Variants in RAP2C observed in about 807,000 individuals in gnomAD.
The protein encoded by RAP2C is RAP2C, member of RAS oncogene family.
RAP2C carries 3 observed loss-of-function variants against 8.9 expected under a neutral mutation model. That is an observed-to-expected ratio of 0.34 (90% CI 0.15 to 0.87). RAP2C has a LOEUF of 0.87. Ranked by LOEUF, RAP2C falls within the 40% of genes least tolerant of loss-of-function variation. The pLI is 0.51. For synonymous variants in RAP2C, 60 were observed against 52.1 expected (o/e 1.15, Z -0.65); for missense variants, 76 against 133.7 (o/e 0.57, Z 2.13).
At chrX:132,213,331 G>A (rs1278045659) in intron 5 of RAP2C, among the ~76,000 whole-genome samples, 7 of 110,315 alleles carry the variant, frequency 6.3e-5, no homozygotes, top group Admixed American at 3.9e-4. Context: ...TAAATGCTTC[G>A]TAAGTTTTAC....
chrX:132,213,915 T>G lies in RAP2C; in HGVS notation c.*34+219A>C, dbSNP rs1345859923. Among the ~76,000 whole-genome samples the G allele has an allele frequency of 8.9e-5, 10 of 112,224 alleles. No individual in the cohort carries two copies. In the Admixed American group the frequency reaches 9.4e-4, roughly 11 times the overall value. ...AACAATAACTCACTTAAAATCCTGGTGATGGGAATATAAGCAATTTCTTAT... is the reference window on the plus strand; with the variant it reads ...AACAATAACTCACTTAAAATCCTGGGGATGGGAATATAAGCAATTTCTTAT... On this transcript the variant is annotated intron_variant, in intron 5 of 5. Transcript: ENST00000370874.
At chrX:132,205,776 G>C (rs1392086644) in intron 5 of RAP2C, among the ~76,000 whole-genome samples, 189 bp from the exon 6 acceptor site, 1 of 110,312 alleles carries the variant, frequency 9.1e-6, no homozygotes, top group Non-Finnish European at 1.9e-5. Flanking sequence ...TGATGCATTG[G>C]ATATAATGTA....
At chrX:132,215,115 AT>A (rs375550778) in intron 4 of RAP2C, among the ~76,000 whole-genome samples, 233 of 101,985 alleles carry the variant, frequency 2.3e-3, no homozygotes, top group Admixed American at 2.5e-3. Context: ...GGAAGAAGTC[AT>A]TTTTTTTTTT....
intron 3 of RAP2C, 32 bp from the exon 4 acceptor site, chrX:132,217,838 G>C (rs1233105620): frequency 8.9e-6 from 1 of 112,028 alleles, no homozygotes; most frequent in Non-Finnish European, 1.9e-5. Flanking sequence ...ACATTACCCG[G>C]CTGACCCCCG....
At chrX:132,217,881 C>A (rs1392860841) in intron 3 of RAP2C, 35 bp downstream of exon 3, 2 of 111,921 alleles carry the variant, frequency 1.8e-5, no homozygotes, top group Non-Finnish European at 1.9e-5. Context: ...GCCGCCTCCC[C>A]CAACTCCCAC....
chrX:132,217,466 G>T lies in RAP2C; in HGVS notation c.-198C>A. 3.4e-5 allele frequency: 6 copies of T among 175,554 alleles called. No homozygotes were observed. Among genetic ancestry groups the T allele is most frequent in the Non-Finnish European group, 5.3e-5 (5 of 93,710 alleles). The allele number at this position is 175,554 out of a possible 1,213,427, so 14.5% of individuals were successfully genotyped here. ...AGAGCGTAGAGTCGGGGAGGGTGGG[G>T]AAGGGATGGTAATGCCCTTCCTATA... On this transcript the variant is annotated 5_prime_UTR_variant, in exon 4 of 6. Transcript: ENST00000370874.
intron 5 of RAP2C, among the ~76,000 whole-genome samples, chrX:132,213,741 T>C (rs1184173356): frequency 2.7e-5 from 3 of 111,981 alleles, no homozygotes; most frequent in Non-Finnish European, 5.6e-5. Context: ...CATAAAAACA[T>C]AAAAGTACAG....
At chrX:132,216,366 G>C (rs1375297719) in intron 4 of RAP2C, among the ~76,000 whole-genome samples, 1 of 111,632 alleles carries the variant, frequency 9.0e-6, no homozygotes, top group African/African-American at 3.3e-5. Flanking sequence ...ATTTTTGTTG[G>C]TTATTAATTC....
chrX:132,213,429 G>A (rs1319067151), intron 5 of RAP2C, among the ~76,000 whole-genome samples: 1 of 109,699 alleles, frequency 9.1e-6, no homozygotes, highest in Non-Finnish European at 1.9e-5. Context: ...CTCAGTGAAA[G>A]GCCTGAAGGT....
chrX:132,210,780 T>C (rs1186746020), intron 5 of RAP2C, among the ~76,000 whole-genome samples: 2 of 111,992 alleles, frequency 1.8e-5, no homozygotes, highest in Admixed American at 1.9e-4. Context: ...CCTTGAAAAA[T>C]CATCTTTAAA....
chrX:132,214,026 A>G, intron 5 of RAP2C, 108 bp downstream of exon 5: 1 of 554,048 alleles, frequency 1.8e-6, no homozygotes, highest in Non-Finnish European at 2.6e-6. Context: ...TTTTAAAAAT[A>G]AAGAAATTTA....
chrX:132,215,097 T>A (rs1930536270), intron 4 of RAP2C, among the ~76,000 whole-genome samples: 1 of 109,605 alleles, frequency 9.1e-6, no homozygotes, highest in Non-Finnish European at 1.9e-5. Flanking sequence ...GCAAGGGGAG[T>A]CTGGGTGGGA....
intron 5 of RAP2C, among the ~76,000 whole-genome samples, chrX:132,213,129 C>T (rs1930477531): frequency 9.0e-6 from 1 of 111,598 alleles, no homozygotes; most frequent in Non-Finnish European, 1.9e-5. Flanking sequence ...CTCCTAGACT[C>T]GAGGTCAGCC....
chrX:132,203,444 G>A lies in RAP2C; in HGVS notation c.*2178C>T, dbSNP rs761333301. On this transcript the variant is annotated 3_prime_UTR_variant, in exon 6 of 6. Coordinates refer to ENST00000370874, the MANE Select transcript of RAP2C (RefSeq NM_001271186.2). ...AAAATCACTTTCCCCTGATTCCTGC[G>A]ATCCTAAGTGAATTCAAGTCAAATT... 9 of 106,496 alleles carry A rather than the reference G, an allele frequency of 8.5e-5. No homozygotes were observed. The East Asian group carries it at 9.0e-4, about 11-fold the overall frequency. The allele number at this position is 106,496 out of a possible 1,213,427, so 8.8% of individuals were successfully genotyped here.
Position 132,217,516 on chromosome X carries a change from G to T in RAP2C, c.-248C>A. On this transcript the variant is annotated 5_prime_UTR_variant, in exon 4 of 6. Coordinates refer to ENST00000370874, the MANE Select transcript of RAP2C (RefSeq NM_001271186.2). The stretch of plus-strand genomic sequence containing the variant: ...AGGAACTGCAGCCCGAGCAGGGGGC[G>T]TGGGGAGGAGGGCGAGCCTGGGAAA... 3.7e-6 allele frequency: 1 copy of T among 272,357 alleles called. No individual in the cohort carries two copies. Among genetic ancestry groups the T allele is most frequent in the South Asian group, 2.2e-4 (1 of 4,647 alleles). The allele number at this position is 272,357 out of a possible 1,213,427, so 22.4% of individuals were successfully genotyped here.
In RAP2C at chrX:132,205,578, T is replaced by G. The variant is rs1258190367; in HGVS notation, c.*44A>C. Reference sequence around the variant, plus strand: ...AAGCAGCATCTGTGCAAATTTCCTCTGAGTTTTATCTGCAATTAAGATAAA... The same window carrying G: ...AAGCAGCATCTGTGCAAATTTCCTCGGAGTTTTATCTGCAATTAAGATAAA... On this transcript the variant is annotated 3_prime_UTR_variant, in exon 6 of 6. Transcript: ENST00000370874. 2.7e-5 allele frequency: 3 copies of G among 111,890 alleles called. No homozygotes were observed. Among genetic ancestry groups the G allele is most frequent in the Non-Finnish European group, 5.6e-5 (3 of 53,154 alleles). 9.2% of individuals were successfully genotyped at this position (111,890 alleles called of 1,213,427 possible).
intron 5 of RAP2C, among the ~76,000 whole-genome samples, chrX:132,209,166 G>C (rs1023461751): frequency 9.0e-6 from 1 of 111,614 alleles, no homozygotes; most frequent in African/African-American, 3.3e-5. Context: ...GAATGGAGGT[G>C]GAATCACACA....
chrX:132,204,831 C>T lies in RAP2C; in HGVS notation c.*791G>A, dbSNP rs1217315206. ...GGTCATAACTAAATTTAGAACTTCA[C>T]AGAAAGGAAAATGTTACTGCCGCAA... On this transcript the variant is annotated 3_prime_UTR_variant, in exon 6 of 6. Coordinates refer to ENST00000370874, the MANE Select transcript of RAP2C (RefSeq NM_001271186.2). The T allele has an allele frequency of 1.8e-5, 2 of 110,801 alleles. 1 individual carries two copies. The highest frequency in any genetic ancestry group is 8.4e-3 in the Middle Eastern group (2 of 238). 9.1% of individuals were successfully genotyped at this position (110,801 alleles called of 1,213,427 possible). A position where few individuals can be genotyped will look rare whatever the true frequency, so the allele number is the denominator to read the frequency against.
intron 5 of RAP2C, among the ~76,000 whole-genome samples, chrX:132,212,892 T>C (rs1166236776): frequency 8.9e-6 from 1 of 112,205 alleles, no homozygotes; most frequent in Non-Finnish European, 1.9e-5. Context: ...AATAAATGAG[T>C]TTTCATCATA....
Sources: gnomAD v4.1 joint callset for allele counts (sites outside exome capture counted in the v4.1 genomes callset) on GRCh38, gnomAD v4.1.1 for gene constraint, MANE v1.5 for transcripts, NCBI Gene and HGNC (gene_info 2026-07-23, HGNC 2026-07-21) for gene names.